ABTB3: variants seen among roughly 807,000 people sequenced by gnomAD.
ABTB3 encodes the protein ankyrin repeat- and BTB/POZ domain-containing protein 3.
the ABTB3 span, among the ~76,000 whole-genome samples, chr12:107,532,272 C>T: frequency 6.6e-6 from 1 of 152,232 alleles, no homozygotes; most frequent in Admixed American, 6.5e-5. Flanking sequence ...GTCCAGTGAA[C>T]CTGCCACTTC....
At chr12:107,527,121 C>A in the ABTB3 span, among the ~76,000 whole-genome samples, 49 of 152,216 alleles carry the variant, frequency 3.2e-4, no homozygotes, top group African/African-American at 1.1e-3. Flanking sequence ...CTGCCCCACC[C>A]ACCTACCCCT....
At chr12:107,367,975 G>A in the ABTB3 span, among the ~76,000 whole-genome samples, 2 of 152,166 alleles carry the variant, frequency 1.3e-5, no homozygotes, top group Non-Finnish European at 1.5e-5. Flanking sequence ...ATTGCACAAA[G>A]GAGCTTGTCC....
the ABTB3 span, among the ~76,000 whole-genome samples, chr12:107,377,878 C>T: frequency 6.6e-6 from 1 of 152,180 alleles, no homozygotes. Flanking sequence ...GCTTCAATGA[C>T]AGCCCCATTC....
At chr12:107,324,483 AAT>A in the ABTB3 span, among the ~76,000 whole-genome samples, 8 of 152,166 alleles carry the variant, frequency 5.3e-5, no homozygotes, top group East Asian at 1.5e-3. Flanking sequence ...AAATAAATAA[AAT>A]AAAATAAAAT....
the ABTB3 span, among the ~76,000 whole-genome samples, chr12:107,637,786 T>TTG: frequency 0.04 from 5,820 of 144,552 alleles, 139 homozygotes; most frequent in Middle Eastern, 0.081. Context: ...AGCACTGATT[T>TTG]TGTGTGTGTG....
At chr12:107,400,714 G>A in the ABTB3 span, among the ~76,000 whole-genome samples, 6 of 152,004 alleles carry the variant, frequency 3.9e-5, no homozygotes, top group Admixed American at 1.3e-4. Context: ...TTAGGGACAC[G>A]CAAAGTATAC....
chr12:107,353,729 C>G, the ABTB3 span, among the ~76,000 whole-genome samples: 1 of 152,288 alleles, frequency 6.6e-6, no homozygotes, highest in East Asian at 1.9e-4. Context: ...ACCGCCTGAG[C>G]TCTGCCTCCT....
At chr12:107,581,354 T>C in the ABTB3 span, 2 of 1,274,776 alleles carry the variant, frequency 1.6e-6, no homozygotes, top group East Asian at 7.1e-5. Flanking sequence ...GGCTCCGGCC[T>C]CGCAGCCTCC....
At chr12:107,656,125 TAAAAAAAATACAAAAAAAA>T in the ABTB3 span, among the ~76,000 whole-genome samples, 2 of 122,826 alleles carry the variant, frequency 1.6e-5, no homozygotes, top group Non-Finnish European at 3.3e-5. Context: ...CCATCTCTAT[TAAAAAAAATACAAAAAAAA>T]AAAAAAAATA....
the ABTB3 span, among the ~76,000 whole-genome samples, chr12:107,338,106 A>T: frequency 4.6e-5 from 7 of 152,232 alleles, no homozygotes; most frequent in African/African-American, 1.7e-4. Context: ...CAAATACTCT[A>T]TCTGAGCCGG....
chr12:107,539,702 G>A, the ABTB3 span, among the ~76,000 whole-genome samples: 1 of 152,190 alleles, frequency 6.6e-6, no homozygotes, highest in Non-Finnish European at 1.5e-5. Context: ...ATGAGCCCAG[G>A]AGAACTGCTT....
At chr12:107,354,138 T>C in the ABTB3 span, among the ~76,000 whole-genome samples, 1 of 152,220 alleles carries the variant, frequency 6.6e-6, no homozygotes, top group Admixed American at 6.5e-5. Flanking sequence ...CCCAATTCTC[T>C]TGTCTCCTGC....
At chr12:107,611,645 C>T in the ABTB3 span, among the ~76,000 whole-genome samples, 1 of 152,192 alleles carries the variant, frequency 6.6e-6, no homozygotes, top group Non-Finnish European at 1.5e-5. Flanking sequence ...GTGATTATTT[C>T]ATTAGGGAAA....
the ABTB3 span, among the ~76,000 whole-genome samples, chr12:107,597,948 G>A: frequency 3.3e-5 from 5 of 152,188 alleles, no homozygotes; most frequent in Non-Finnish European, 5.9e-5. Flanking sequence ...AGCTCTAACA[G>A]CAGAATTGAG....
At chr12:107,619,951 C>T in the ABTB3 span, 13 of 1,553,198 alleles carry the variant, frequency 8.4e-6, no homozygotes, top group Non-Finnish European at 1.1e-5. Flanking sequence ...CTCCCCCTCC[C>T]CTGCCACCTT....
the ABTB3 span, among the ~76,000 whole-genome samples, chr12:107,614,052 G>A: frequency 1.3e-5 from 2 of 152,024 alleles, no homozygotes; most frequent in South Asian, 2.1e-4. Context: ...GAGCATTCTC[G>A]GGTCCTCTCT....
At chr12:107,469,925 TCTC>T in the ABTB3 span, among the ~76,000 whole-genome samples, 61 of 112,726 alleles carry the variant, frequency 5.4e-4, 1 homozygote, top group African/African-American at 1.7e-3. Context: ...TTTCTTTCTC[TCTC>T]TCTCTCTTTC....
At chr12:107,381,867 G>C in the ABTB3 span, among the ~76,000 whole-genome samples, 13 of 152,196 alleles carry the variant, frequency 8.5e-5, no homozygotes, top group Non-Finnish European at 1.5e-4. Context: ...CCTCAGCAGG[G>C]CATTGGGAGG....
the ABTB3 span, among the ~76,000 whole-genome samples, chr12:107,504,015 G>T: frequency 1.9e-4 from 29 of 152,188 alleles, no homozygotes; most frequent in African/African-American, 6.0e-4. Context: ...GGCTGGATAG[G>T]GCCCTGCTTC....
Sources: allele counts gnomAD v4.1 joint callset (sites outside exome capture counted in the v4.1 genomes callset), GRCh38; gene constraint gnomAD v4.1.1; transcripts MANE v1.5; gene names NCBI Gene and HGNC (gene_info 2026-07-23, HGNC 2026-07-21).